Variants in GNAL observed in about 807,000 individuals in gnomAD.
The protein encoded by GNAL is guanine nucleotide-binding protein G(olf) subunit alpha.
Under a neutral mutation model 55.1 loss-of-function variants are expected in GNAL, and 18 were observed. The observed-to-expected ratio is 0.33, with a 90% CI of 0.23 to 0.48. GNAL has a LOEUF of 0.48. GNAL is among the 20% of genes least tolerant of loss of function. The pLI, the probability that GNAL is intolerant of heterozygous loss-of-function variation, is 0.99. For missense variants in GNAL, 412 were observed against 614.1 expected, an observed-to-expected ratio of 0.67 and a Z score of 3.48; for synonymous variants, 253 against 237.0, an observed-to-expected ratio of 1.07 and a Z score of -0.62.
chr18:11,775,207 TGTGTTCTGGCGAACTGAGAACCAACTGTG>T (rs2033747078), intron 4 of GNAL, among the ~76,000 whole-genome samples: 1 of 152,228 alleles, frequency 6.6e-6, no homozygotes, highest in Admixed American at 6.5e-5. Flanking sequence ...ATGAAAGCAC[TGTGTTCTGGCGAACTGAGAACCAACTGTG>T]GACCCTTGCT....
At chr18:11,842,752 G>A (rs1388438216) in intron 5 of GNAL, among the ~76,000 whole-genome samples, 1 of 152,158 alleles carries the variant, frequency 6.6e-6, no homozygotes, top group Non-Finnish European at 1.5e-5. Flanking sequence ...CTTGCTGGCT[G>A]GCACTCACCT....
At chr18:11,720,366 G>C (rs1409296889) in intron 1 of GNAL, among the ~76,000 whole-genome samples, 1 of 152,220 alleles carries the variant, frequency 6.6e-6, no homozygotes, top group Non-Finnish European at 1.5e-5. Flanking sequence ...GAATGCAACT[G>C]TTTTGGGGGA....
At position 11,796,575 on chromosome 18, in the gene GNAL, C is replaced by CAAAAAAAAAAA. The variant is rs760136358; in HGVS notation, c.625-28333_625-28323dup. On this transcript the variant is annotated intron_variant, in intron 4 of 11. Transcript: ENST00000334049. ...GGTGACAGAGCGAGACTCCTTCTCACAAAAAAAAAAAAAAAAAAAACAAAA... is the reference window on the plus strand; with the variant it reads ...GGTGACAGAGCGAGACTCCTTCTCACAAAAAAAAAAAAAAAAAAAAAAAAAAAAAAACAAAA... Among the ~76,000 whole-genome samples the CAAAAAAAAAAA allele has an allele frequency of 5.0e-3, 293 of 58,856 alleles. 19 individuals are homozygous for CAAAAAAAAAAA. Among genetic ancestry groups the CAAAAAAAAAAA allele is most frequent in the South Asian group, 8.8e-3 (13 of 1,476 alleles). 38.6% of individuals were successfully genotyped at this position (58,856 alleles called of 152,430 possible). A position where few individuals can be genotyped will look rare whatever the true frequency, so the allele number is the denominator to read the frequency against.
chr18:11,870,453 G>A (rs1487373578), intron 9 of GNAL, among the ~76,000 whole-genome samples: 1 of 152,128 alleles, frequency 6.6e-6, no homozygotes, highest in Non-Finnish European at 1.5e-5. Flanking sequence ...CCCGGGAGGT[G>A]GAGGTTGCAG....
intron 1 of GNAL, among the ~76,000 whole-genome samples, chr18:11,728,109 C>T (rs982395555): frequency 1.2e-4 from 19 of 152,060 alleles, no homozygotes; most frequent in African/African-American, 3.9e-4. Context: ...TGCCTGTGGT[C>T]CCAGCTACTC....
chr18:11,874,238 C>T (rs2036470710), intron 10 of GNAL: 1 of 152,262 alleles, frequency 6.6e-6, no homozygotes, highest in Non-Finnish European at 1.5e-5. Flanking sequence ...CCAAGAGACT[C>T]ACCCATCCCT....
intron 4 of GNAL, among the ~76,000 whole-genome samples, chr18:11,820,023 A>G (rs2035053174): frequency 6.6e-6 from 1 of 152,194 alleles, no homozygotes; most frequent in African/African-American, 2.4e-5. Flanking sequence ...AAATTGTGGA[A>G]GAAGTGACTA....
chr18:11,764,944 T>G (rs2033359567), intron 4 of GNAL, among the ~76,000 whole-genome samples: 1 of 152,244 alleles, frequency 6.6e-6, no homozygotes, highest in Non-Finnish European at 1.5e-5. Context: ...TTAAAAGTTG[T>G]TTTACATCTA....
chr18:11,706,025 G>A (rs980235834), intron 1 of GNAL, among the ~76,000 whole-genome samples: 3 of 152,100 alleles, frequency 2.0e-5, no homozygotes, highest in African/African-American at 7.2e-5. Flanking sequence ...AAAGTGCTGG[G>A]ATTACAGTGT....
In GNAL at chr18:11,823,787, G is replaced by C. The variant is rs76674878; in HGVS notation, c.625-1131G>C. On this transcript the variant is annotated intron_variant, in intron 4 of 11. Transcript: ENST00000334049. ...GATCAAAGGCAGGCAAATAACTGCT[G>C]TGGGAAGGGCGTGAATTTCCCACAA... Among the ~76,000 whole-genome samples, 17 of 121,486 alleles carry C rather than the reference G, an allele frequency of 1.4e-4. No individual in the cohort carries two copies. In the East Asian group the frequency reaches 4.0e-3, roughly 29 times the overall value. 79.7% of individuals were successfully genotyped at this position (121,486 alleles called of 152,430 possible). A position where few individuals can be genotyped will look rare whatever the true frequency, so the allele number is the denominator to read the frequency against.
chr18:11,871,370 C>T (rs2036394538), intron 9 of GNAL, among the ~76,000 whole-genome samples: 1 of 151,984 alleles, frequency 6.6e-6, no homozygotes, highest in Non-Finnish European at 1.5e-5. Flanking sequence ...CCTGCCTCAG[C>T]CTCCCGAGTA....
At chr18:11,838,705 G>A (rs774330467) in intron 5 of GNAL, among the ~76,000 whole-genome samples, 2 of 152,100 alleles carry the variant, frequency 1.3e-5, no homozygotes, top group Non-Finnish European at 2.9e-5. Context: ...GACAGTGTGG[G>A]GATGCTTCTG....
rs561690776 is a variant in GNAL, at chr18:11,772,688, C to G, written c.624+18743C>G. On this transcript the variant is annotated intron_variant, in intron 4 of 11. Coordinates refer to ENST00000334049, the MANE Select transcript of GNAL (RefSeq NM_182978.4). ...TGCTGACCTGGAGGCAAAGCCAGGA[C>G]TAGAACCGAGTCTCCCGATTCCTCA... Among the ~76,000 whole-genome samples, 10 of 152,348 alleles carry G rather than the reference C, an allele frequency of 6.6e-5. No homozygotes were observed. In the East Asian group the frequency reaches 1.7e-3, roughly 26 times the overall value.
At position 11,752,205 on chromosome 18, in the gene GNAL, G is replaced by T. The variant is rs1231296725; in HGVS notation, c.377-648G>T. 5.9e-6 allele frequency: 4 copies of T among 678,940 alleles called. No individual in the cohort carries two copies. The Admixed American group carries it at 1.7e-4, about 29-fold the overall frequency. The allele number at this position is 678,940 out of a possible 1,614,324, so 42.1% of individuals were successfully genotyped here. The stretch of plus-strand genomic sequence containing the variant: ...TTTGAAACAATTCTCGTGTAAAAAG[G>T]CATTTTACTCCGCGCGTCTTCCTTA... On this transcript the variant is annotated intron_variant, in intron 1 of 11. Coordinates refer to ENST00000334049, the MANE Select transcript of GNAL (RefSeq NM_182978.4). The surrounding 1 kb of genome is among the most constrained non-coding windows in gnomAD (Gnocchi z 4.5).
intron 5 of GNAL, among the ~76,000 whole-genome samples, chr18:11,856,798 G>A (rs2036018380): frequency 6.6e-6 from 1 of 152,116 alleles, no homozygotes; most frequent in East Asian, 1.9e-4. Flanking sequence ...AGGCATGATG[G>A]TGCACACCTG....
Position 11,689,698 on chromosome 18 carries a change from A to T in GNAL, c.135A>T (p.Ala45=). 6.8e-7 allele frequency: 1 copy of T among 1,472,882 alleles called. No individual in the cohort carries two copies. The highest frequency in any genetic ancestry group is 9.0e-7 in the Non-Finnish European group (1 of 1,117,116). 91.2% of individuals were successfully genotyped at this position (1,472,882 alleles called of 1,614,324 possible). The change falls in exon 1 of 12, where the codon GCA becomes GCT. Residue 45 remains alanine, a synonymous_variant. Coordinates refer to ENST00000334049, the MANE Select transcript of GNAL (RefSeq NM_182978.4). ...APALAPVRAA[A]RDTARTLLPR... is the part of the protein sequence containing the mutation. ...CCCTGGCCCCAGTCCGGGCGGCCGC[A>T]AGGGACACGGCCCGGACCCTGCTCC...
chr18:11,769,642 G>A (rs556097749), intron 4 of GNAL, among the ~76,000 whole-genome samples: 2 of 152,182 alleles, frequency 1.3e-5, no homozygotes, highest in South Asian at 2.1e-4. Flanking sequence ...TTAAAGAAAC[G>A]TTGGTAAAGA....
intron 1 of GNAL, among the ~76,000 whole-genome samples, chr18:11,738,992 G>A (rs1309047557): frequency 2.6e-5 from 4 of 152,198 alleles, no homozygotes; most frequent in East Asian, 3.9e-4. Flanking sequence ...TATTTCATGC[G>A]ATCAGTGCAT....
intron 1 of GNAL, among the ~76,000 whole-genome samples, chr18:11,726,246 G>T (rs974073220): frequency 3.9e-5 from 6 of 152,168 alleles, no homozygotes; most frequent in African/African-American, 1.4e-4. Flanking sequence ...TTCCTTTTCT[G>T]ACTAAATTAG....
Sources: allele counts gnomAD v4.1 joint callset (sites outside exome capture counted in the v4.1 genomes callset), GRCh38; gene constraint gnomAD v4.1.1; non-coding constraint Gnocchi (gnomAD v3.1); transcripts MANE v1.5; gene names NCBI Gene and HGNC (gene_info 2026-07-23, HGNC 2026-07-21).